Variants in ZNF777 observed in about 807,000 individuals in gnomAD.
The protein encoded by ZNF777 is zinc finger protein 777.
In ZNF777, 7 loss-of-function variants were observed where a neutral mutation model predicts 72.1. The observed-to-expected ratio is 0.10, with a 90% CI of 0.06 to 0.18. ZNF777 has a LOEUF of 0.18. ZNF777 is among the 10% of genes least tolerant of loss of function. The pLI is 1.00. For synonymous variants in ZNF777, 545 were observed against 483.5 expected, an observed-to-expected ratio of 1.13 and a Z score of -1.67; for missense variants, 828 against 1,128.6, an observed-to-expected ratio of 0.73 and a Z score of 3.82.
chr7:149,452,949 AC>A (rs1292315152), intron 3 of ZNF777, among the ~76,000 whole-genome samples: 2 of 152,256 alleles, frequency 1.3e-5, no homozygotes, highest in African/African-American at 2.4e-5. Context: ...CTCTTCAGCA[AC>A]AGCAGACAGG....
In ZNF777 at chr7:149,443,575, A is replaced by T. The variant is rs181830136; in HGVS notation, c.1088-6749T>A. Among the ~76,000 whole-genome samples, 693 of 152,136 alleles carry T rather than the reference A, an allele frequency of 4.6e-3. 2 individuals carry two copies. The highest frequency in any genetic ancestry group is 0.027 in the Middle Eastern group (8 of 294). On this transcript the variant is annotated intron_variant, in intron 4 of 5. Transcript: ENST00000247930. ...TGTTAGGTTTTTTTAATTAAAAAAA[A>T]TTTTTTTTAAAGTTATACATGCACA...
intron 4 of ZNF777, among the ~76,000 whole-genome samples, chr7:149,447,866 G>T (rs188114258): frequency 8.4e-5 from 12 of 142,894 alleles, no homozygotes; most frequent in African/African-American, 2.2e-4. Flanking sequence ...TTTCATCTGT[G>T]GGGGGTGTTT....
chr7:149,448,579 C>CTATATATATATA lies in ZNF777; in HGVS notation c.1087+2408_1087+2419dup, dbSNP rs57860880. The stretch of plus-strand genomic sequence containing the variant: ...TATAGTTATATAGTTATACATATAA[C>CTATATATATATA]TATATATATATATATATATATATAT... On this transcript the variant is annotated intron_variant, in intron 4 of 5. Coordinates refer to ENST00000247930, the MANE Select transcript of ZNF777 (RefSeq NM_015694.3). Among the ~76,000 whole-genome samples, 579 of 114,924 alleles carry CTATATATATATA rather than the reference C, an allele frequency of 5.0e-3. 4 individuals carry two copies. Among genetic ancestry groups the CTATATATATATA allele is most frequent in the Non-Finnish European group, 5.8e-3 (331 of 57,056 alleles). 75.4% of individuals were successfully genotyped at this position (114,924 alleles called of 152,430 possible). A position where few individuals can be genotyped will look rare whatever the true frequency, so the allele number is the denominator to read the frequency against.
In ZNF777 at chr7:149,455,156, C is replaced by A. The variant is rs770901857; in HGVS notation, c.846+21G>T. 3.1e-6 allele frequency: 5 copies of A among 1,595,636 alleles called. No homozygotes were observed. The highest frequency in any genetic ancestry group is 1.7e-4 in the Middle Eastern group (1 of 5,938). ...CAATTCAGATCACTTCCTTGGGAAG[C>A]CCCAGTTGGGATGTGCTTACCTTGG... On this transcript the variant is annotated intron_variant, in intron 2 of 5. Coordinates refer to ENST00000247930, the MANE Select transcript of ZNF777 (RefSeq NM_015694.3). The surrounding 1 kb of genome is among the most constrained non-coding windows in gnomAD (Gnocchi z 4.2).
intron 4 of ZNF777, among the ~76,000 whole-genome samples, chr7:149,448,873 T>A (rs533173582): frequency 6.6e-6 from 1 of 152,106 alleles, no homozygotes; most frequent in African/African-American, 2.4e-5. Context: ...CATCTTTACA[T>A]CTCTTTGCCC....
rs553986191 is a variant in ZNF777 at position 149,452,115 on chromosome 7, A to C, written c.974-1003T>G. Among the ~76,000 whole-genome samples, 508 of 151,852 alleles carry C rather than the reference A, an allele frequency of 3.3e-3. 2 individuals carry two copies. Among genetic ancestry groups the C allele is most frequent in the African/African-American group, 0.012 (481 of 41,396 alleles). On this transcript the variant is annotated intron_variant, in intron 3 of 5. Transcript: ENST00000247930. ...CCCGTCTCTACTAAAAATACAAAAA[A>C]TTAGCTGGGCACGGTGGTGGGCACC...
intron 4 of ZNF777, among the ~76,000 whole-genome samples, chr7:149,441,823 C>CA (rs1483791260): frequency 4.6e-5 from 7 of 151,754 alleles, no homozygotes. Flanking sequence ...TTTTCTAGGG[C>CA]AAAAAATATT....
intron 4 of ZNF777, among the ~76,000 whole-genome samples, chr7:149,439,743 C>A (rs968305086): frequency 6.6e-6 from 1 of 152,162 alleles, no homozygotes; most frequent in Admixed American, 6.5e-5. Flanking sequence ...ATTTTGCTTT[C>A]ATTTCTAATA....
At chr7:149,446,713 C>T (rs1266653308) in intron 4 of ZNF777, among the ~76,000 whole-genome samples, 2 of 151,992 alleles carry the variant, frequency 1.3e-5, no homozygotes, top group Non-Finnish European at 2.9e-5. Flanking sequence ...AAGAATCCCC[C>T]CAACTGTCCC....
At chr7:149,459,784 G>C (rs1330853616) in intron 1 of ZNF777, 5 of 984,784 alleles carry the variant, frequency 5.1e-6, no homozygotes, top group Middle Eastern at 5.2e-4. Flanking sequence ...GCGGGGCCGA[G>C]CTCTGCGGAA....
intron 1 of ZNF777, chr7:149,459,768 G>A (rs888160256): frequency 4.1e-6 from 4 of 984,994 alleles, no homozygotes; most frequent in South Asian, 9.4e-5. Flanking sequence ...GGCCGGGGAA[G>A]GCTCCGCGGG....
chr7:149,456,486 A>C (rs2116609262), intron 1 of ZNF777, among the ~76,000 whole-genome samples: 1 of 152,280 alleles, frequency 6.6e-6, no homozygotes, highest in South Asian at 2.1e-4. Context: ...ACACTACCTG[A>C]GTTGTTGAAG....
At position 149,454,232 on chromosome 7, in the gene ZNF777, A is replaced by G. The variant is rs184833876; in HGVS notation, c.852T>C (p.Pro284=). The G allele has an allele frequency of 4.9e-4, 786 of 1,614,058 alleles. No individual in the cohort carries two copies. The highest frequency in any genetic ancestry group is 6.3e-4 in the Non-Finnish European group (740 of 1,179,982). The change falls in exon 3 of 6, where the codon CCT becomes CCC. Residue 284 remains proline (P), a synonymous_variant. Coordinates refer to ENST00000247930, the MANE Select transcript of ZNF777 (RefSeq NM_015694.3). ...PGSNGEVPKV[P]VTFDDVAVHF... ...GCACAGCAACATCATCAAATGTGACAGGGACCTGAAACCACACAATAACTC... is the reference window on the plus strand; with the variant it reads ...GCACAGCAACATCATCAAATGTGACGGGGACCTGAAACCACACAATAACTC...
Position 149,451,048 on chromosome 7 carries a change from C to T in ZNF777, c.1038G>A (p.Gln346=). ...QMERGERPTM[Q]EQEDSEEGET... ...CGCCCTCCTCAGAGTCTTCCTGCTC[C>T]TGCATGGTGGGCCGCTCCCCGCGCT... The change falls in exon 4 of 6, where the codon CAG becomes CAA. Residue 346 remains glutamine (Q), a synonymous_variant. Transcript: ENST00000247930. 1 of 1,614,022 alleles carries T rather than the reference C, an allele frequency of 6.2e-7. No individual in the cohort carries two copies. Among genetic ancestry groups the T allele is most frequent in the South Asian group, 1.1e-5 (1 of 91,088 alleles).
intron 5 of ZNF777, 115 bp from the exon 6 acceptor site, chr7:149,433,047 A>C: frequency 1.4e-5 from 19 of 1,387,392 alleles, no homozygotes; most frequent in South Asian, 1.3e-4. Flanking sequence ...ATTGGCCCAA[A>C]TTCCTTCTTT....
At chr7:149,442,486 G>A (rs146214514) in intron 4 of ZNF777, among the ~76,000 whole-genome samples, 2,655 of 151,618 alleles carry the variant, frequency 0.018, 90 homozygotes, top group African/African-American at 0.061. Flanking sequence ...CATGCATGGT[G>A]GTGGGCACCT....
Position 149,436,286 on chromosome 7 carries a change from T to C in ZNF777, c.1339+289A>G, listed in dbSNP as rs1197277862. Among the ~76,000 whole-genome samples the C allele has an allele frequency of 1.3e-5, 2 of 152,298 alleles. No homozygotes were observed. The highest frequency in any genetic ancestry group is 3.9e-4 in the East Asian group (2 of 5,174). On this transcript the variant is annotated intron_variant, in intron 5 of 5. Transcript: ENST00000247930. The surrounding 1 kb of genome is among the most constrained non-coding windows in gnomAD (Gnocchi z 5.0). ...ACTCTCTGTGTGGCCTTGCCCCATCTATTTAACCTCTGTCTGTAAAATGAG... is the reference window on the plus strand; with the variant it reads ...ACTCTCTGTGTGGCCTTGCCCCATCCATTTAACCTCTGTCTGTAAAATGAG...
Position 149,455,766 on chromosome 7 carries a change from G to A in ZNF777, c.257C>T (p.Ala86Val), listed in dbSNP as rs1799815985. ...QKGPSLLCSA[A>V]SEQETSLQGP... Reference sequence around the variant, plus strand: ...CTGGAGAGAAGTCTCTTGCTCAGAAGCGGCAGAACACAGGAGTGAGGGTCC... The same window carrying A: ...CTGGAGAGAAGTCTCTTGCTCAGAAACGGCAGAACACAGGAGTGAGGGTCC... Residue 86 changes from alanine (A) to valine (V), a missense_variant, in exon 2 of 6, where the codon GCT (alanine) becomes GTT (valine). Physicochemically the swap from Ala to Val is moderately conservative, Grantham distance 64. Coordinates refer to ENST00000247930, the MANE Select transcript of ZNF777 (RefSeq NM_015694.3). The surrounding 1 kb of genome is among the most constrained non-coding windows in gnomAD (Gnocchi z 4.2). 6.2e-7 allele frequency: 1 copy of A among 1,600,324 alleles called. No individual in the cohort carries two copies. The highest frequency in any genetic ancestry group is 1.3e-5 in the African/African-American group (1 of 74,312).
At chr7:149,453,466 C>CAT (rs1002650494) in intron 3 of ZNF777, among the ~76,000 whole-genome samples, 2 of 152,044 alleles carry the variant, frequency 1.3e-5, no homozygotes, top group Admixed American at 6.6e-5. Flanking sequence ...TACACACACA[C>CAT]ATATATATAT....
Sources: gnomAD v4.1 joint callset for allele counts (sites outside exome capture counted in the v4.1 genomes callset) on GRCh38, gnomAD v4.1.1 for gene constraint, Gnocchi (gnomAD v3.1) non-coding constraint, MANE v1.5 for transcripts, NCBI Gene and HGNC (gene_info 2026-07-23, HGNC 2026-07-21) for gene names.